The following SPON1 variants were observed in gnomAD, a reference collection of about 807,000 sequenced individuals.
SPON1 encodes spondin-1.
SPON1 carries 52 observed loss-of-function variants against 111.7 expected under a neutral mutation model. The ratio of observed to expected loss-of-function variants is 0.47; its 90% CI spans 0.37 to 0.59. The LOEUF (loss-of-function observed/expected upper bound fraction) is 0.59. Among genes scored for constraint, SPON1 ranks in the 20% least tolerant of loss-of-function variants. The pLI is 0.00. For synonymous variants in SPON1, 410 were observed against 395.8 expected (o/e 1.04, Z -0.43); for missense variants, 957 against 1,068.5 (o/e 0.90, Z 1.46).
At position 13,992,341 on chromosome 11, in the gene SPON1, C is replaced by A. The variant is rs191407220; in HGVS notation, c.345+9388C>A. Among the ~76,000 whole-genome samples the A allele has an allele frequency of 4.8e-3, 727 of 152,322 alleles. 7 individuals are homozygous for A. Among genetic ancestry groups the A allele is most frequent in the African/African-American group, 0.017 (699 of 41,582 alleles). Reference sequence around the variant, plus strand: ...CCACCCAGTTTGAACTTCCCAGTGGCTTTGTTTACACTGTGACCATAAAAC... The same window carrying A: ...CCACCCAGTTTGAACTTCCCAGTGGATTTGTTTACACTGTGACCATAAAAC... On this transcript the variant is annotated intron_variant, in intron 2 of 15. Transcript: ENST00000576479.
chr11:14,027,539 C>T (rs1848527814), intron 2 of SPON1, among the ~76,000 whole-genome samples: 1 of 152,206 alleles, frequency 6.6e-6, no homozygotes, highest in Admixed American at 6.5e-5. Flanking sequence ...AGAAGGACCT[C>T]AGCAAACTGA....
intron 6 of SPON1, among the ~76,000 whole-genome samples, chr11:14,156,317 C>T (rs1304419496): frequency 1.4e-5 from 2 of 138,988 alleles, no homozygotes; most frequent in Non-Finnish European, 3.2e-5. Flanking sequence ...TGTTCATGTC[C>T]TTCGCCCACT....
chr11:14,238,672 G>A (rs1848891869), intron 6 of SPON1, among the ~76,000 whole-genome samples: 1 of 152,114 alleles, frequency 6.6e-6, no homozygotes, highest in Admixed American at 6.5e-5. Context: ...CTTCCCTCCA[G>A]ACCTGACCTC....
intron 2 of SPON1, among the ~76,000 whole-genome samples, chr11:14,036,393 T>TGGACAACATTTAAATATGGA (rs1332418368): frequency 6.6e-6 from 1 of 151,906 alleles, no homozygotes; most frequent in Non-Finnish European, 1.5e-5. Flanking sequence ...GAAGGTAAGA[T>TGGACAACATTTAAATATGGA]GGACAACATT....
chr11:14,235,214 C>T (rs1848850041), intron 6 of SPON1, among the ~76,000 whole-genome samples: 1 of 152,224 alleles, frequency 6.6e-6, no homozygotes, highest in South Asian at 2.1e-4. Flanking sequence ...ACGGACTGGG[C>T]CTCGGAGGAC....
intron 3 of SPON1, among the ~76,000 whole-genome samples, chr11:14,045,597 T>G (rs902206245): frequency 1.4e-5 from 2 of 142,390 alleles, no homozygotes; most frequent in Admixed American, 1.5e-4. Flanking sequence ...AATAAAAATT[T>G]AATTATATAT....
At chr11:14,047,631 TC>T (rs1554917965) in intron 3 of SPON1, among the ~76,000 whole-genome samples, 1 of 152,146 alleles carries the variant, frequency 6.6e-6, no homozygotes, top group East Asian at 1.9e-4. Context: ...AATCAGAGCC[TC>T]TTGGAAAGGT....
intron 6 of SPON1, among the ~76,000 whole-genome samples, chr11:14,240,201 C>T (rs529467603): frequency 6.9e-4 from 105 of 152,276 alleles, no homozygotes; most frequent in Non-Finnish European, 1.2e-3. Flanking sequence ...ACTGAGCGGC[C>T]GTAGGCATGG....
At chr11:14,054,165 G>C (rs191379475) in intron 3 of SPON1, among the ~76,000 whole-genome samples, 1 of 152,134 alleles carries the variant, frequency 6.6e-6, no homozygotes, top group East Asian at 1.9e-4. Context: ...TTTTCCTTGG[G>C]CATTTTCCTA....
At chr11:13,993,771 A>C (rs868948866) in intron 2 of SPON1, among the ~76,000 whole-genome samples, 2 of 152,252 alleles carry the variant, frequency 1.3e-5, no homozygotes, top group Non-Finnish European at 1.5e-5. Flanking sequence ...CCCTGGCAGC[A>C]ACTATGAACA....
At chr11:14,151,341 G>A (rs782363984) in intron 6 of SPON1, among the ~76,000 whole-genome samples, 1 of 152,158 alleles carries the variant, frequency 6.6e-6, no homozygotes, top group Admixed American at 6.5e-5. Context: ...GTAGGGGGTG[G>A]ACCTGCAAAG....
At chr11:14,117,361 T>C (rs1370478668) in intron 5 of SPON1, among the ~76,000 whole-genome samples, 3 of 152,216 alleles carry the variant, frequency 2.0e-5, no homozygotes, top group Non-Finnish European at 4.4e-5. Context: ...TTTCCTTCTA[T>C]TATTAGTTTG....
intron 5 of SPON1, among the ~76,000 whole-genome samples, chr11:14,110,753 G>C (rs1849221304): frequency 1.3e-5 from 2 of 152,122 alleles, no homozygotes; most frequent in African/African-American, 4.8e-5. Context: ...CAGTCCACTG[G>C]CTCAAATCCA....
chr11:14,091,944 G>T (rs913031457), intron 5 of SPON1, among the ~76,000 whole-genome samples: 1 of 152,206 alleles, frequency 6.6e-6, no homozygotes, highest in Non-Finnish European at 1.5e-5. Context: ...GAGGCCCCCA[G>T]CTGCTTGCAC....
At chr11:14,257,449 G>C (rs1319804506) in intron 10 of SPON1, among the ~76,000 whole-genome samples, 2 of 152,208 alleles carry the variant, frequency 1.3e-5, no homozygotes, top group Non-Finnish European at 2.9e-5. Flanking sequence ...CAAGATGAGG[G>C]ACTGAAAATG....
intron 6 of SPON1, among the ~76,000 whole-genome samples, chr11:14,181,604 G>C (rs557444496): frequency 6.6e-6 from 1 of 152,324 alleles, no homozygotes; most frequent in East Asian, 1.9e-4. Flanking sequence ...AAAGGTCTAA[G>C]GGCATTGTGG....
intron 6 of SPON1, among the ~76,000 whole-genome samples, chr11:14,214,147 T>C (rs1267919199): frequency 6.6e-6 from 1 of 152,230 alleles, no homozygotes; most frequent in Non-Finnish European, 1.5e-5. Context: ...TTGGTTTTGC[T>C]TCCTTCCTTA....
intron 8 of SPON1, 98 bp downstream of exon 8, chr11:14,254,827 T>A (rs1554941026): frequency 8.0e-7 from 1 of 1,245,956 alleles, no homozygotes; most frequent in East Asian, 2.4e-5. Flanking sequence ...CTGTCCTAGG[T>A]GAACTTTCAG....
At chr11:14,013,859 T>G (rs1848423914) in intron 2 of SPON1, among the ~76,000 whole-genome samples, 1 of 152,200 alleles carries the variant, frequency 6.6e-6, no homozygotes, top group Middle Eastern at 3.2e-3. Flanking sequence ...TATTTACTTC[T>G]TGCTCAAGCC....
Sources: allele counts gnomAD v4.1 joint callset (sites outside exome capture counted in the v4.1 genomes callset), GRCh38; gene constraint gnomAD v4.1.1; transcripts MANE v1.5; gene names NCBI Gene and HGNC (gene_info 2026-07-23, HGNC 2026-07-21).